The following KHDRBS3 variants were observed in gnomAD, a reference collection of about 807,000 sequenced individuals.
KHDRBS3 encodes the protein KH RNA binding domain containing, signal transduction associated 3, also known as KH domain-containing, RNA-binding, signal transduction-associated protein 3.
A neutral mutation model predicts 45.6 loss-of-function variants in KHDRBS3; 23 were observed. That is an observed-to-expected ratio of 0.50 (90% CI 0.36 to 0.72). The LOEUF is 0.72. Among genes scored for constraint, KHDRBS3 ranks in the 30% least tolerant of loss-of-function variants. The probability of loss-of-function intolerance (pLI) is 0.00; values close to 1 mark genes in which losing one functional copy is unlikely to be tolerated. For synonymous variants in KHDRBS3, 162 were observed against 156.5 expected (o/e 1.04, Z -0.26); for missense variants, 352 against 424.8 (o/e 0.83, Z 1.51).
intron 1 of KHDRBS3, among the ~76,000 whole-genome samples, chr8:135,476,200 G>A (rs1239297693): frequency 1.3e-5 from 2 of 152,004 alleles, no homozygotes; most frequent in East Asian, 3.9e-4. Context: ...CTGTAGTGCA[G>A]TGGTGCAATC....
At chr8:135,458,122 ACCTAGGGGAAGAC>A (rs941317891) in intron 1 of KHDRBS3, 168 bp downstream of exon 1, 1 of 1,378,714 alleles carries the variant, frequency 7.3e-7, no homozygotes, top group Non-Finnish European at 9.4e-7. Context: ...GCTGTGGGAC[ACCTAGGGGAAGAC>A]CCTGATGTGA....
At chr8:135,608,245 A>T (rs906926864) in intron 7 of KHDRBS3, among the ~76,000 whole-genome samples, 1 of 152,244 alleles carries the variant, frequency 6.6e-6, no homozygotes, top group African/African-American at 2.4e-5. Flanking sequence ...TCTAAGTCAG[A>T]TATTCTAACT....
intron 1 of KHDRBS3, among the ~76,000 whole-genome samples, chr8:135,459,520 A>G (rs1316095942): frequency 6.6e-6 from 1 of 152,142 alleles, no homozygotes; most frequent in Non-Finnish European, 1.5e-5. Context: ...ATTTACATGT[A>G]TCTTTTATTG....
intron 4 of KHDRBS3, among the ~76,000 whole-genome samples, chr8:135,554,862 C>T (rs1826795179): frequency 6.6e-6 from 1 of 152,046 alleles, no homozygotes; most frequent in South Asian, 2.1e-4. Context: ...ATAAATAATT[C>T]AGGAATCTGT....
At position 135,573,330 on chromosome 8, in the gene KHDRBS3, G is replaced by C. The variant is rs571465914; in HGVS notation, c.612-8548G>C. On this transcript the variant is annotated intron_variant, in intron 5 of 8. Coordinates refer to ENST00000355849, the MANE Select transcript of KHDRBS3 (RefSeq NM_006558.3). ...AGTATGTGTTTACAAACTCTTATCA[G>C]ACCACATTGCTGTTGCTAAATGTGT... is the stretch of plus-strand genomic sequence containing the variant. 3.3e-5 allele frequency among the ~76,000 whole-genome samples: 5 copies of C among 152,334 alleles called. No homozygotes were observed. The East Asian group carries it at 9.6e-4, about 29-fold the overall frequency.
intron 7 of KHDRBS3, among the ~76,000 whole-genome samples, chr8:135,616,981 A>C (rs904657216): frequency 6.6e-6 from 1 of 152,078 alleles, no homozygotes; most frequent in Non-Finnish European, 1.5e-5. Flanking sequence ...TGTTAGTAAA[A>C]AAAGACAGTG....
chr8:135,592,876 T>G lies in KHDRBS3; in HGVS notation c.807+10803T>G, dbSNP rs563622407. On this transcript the variant is annotated intron_variant, in intron 6 of 8. Transcript: ENST00000355849. ...AATGGAAGTTTGTTATGTAGATTCC[T>G]CTGTTGCCATCTCAGGCTAATAAGG... is the stretch of plus-strand genomic sequence containing the variant. Among the ~76,000 whole-genome samples, 24 of 152,160 alleles carry G rather than the reference T, an allele frequency of 1.6e-4. No individual in the cohort carries two copies. In the East Asian group the frequency reaches 4.3e-3, roughly 27 times the overall value.
At chr8:135,542,419 G>T (rs933478199) in intron 2 of KHDRBS3, 2 of 434,132 alleles carry the variant, frequency 4.6e-6, no homozygotes, top group East Asian at 4.0e-5. Context: ...CACAGTTGTG[G>T]AATATAGCCA....
chr8:135,536,252 T>G (rs1279951647), intron 2 of KHDRBS3, among the ~76,000 whole-genome samples: 1 of 146,110 alleles, frequency 6.8e-6, no homozygotes, highest in Non-Finnish European at 1.5e-5. Context: ...TTTTTTTTTT[T>G]TTTTTTTTTT....
At chr8:135,538,422 C>T (rs979916053) in intron 2 of KHDRBS3, 5 of 152,082 alleles carry the variant, frequency 3.3e-5, no homozygotes, top group African/African-American at 1.2e-4. Context: ...ATAAAGGATC[C>T]TCTGTGAGTC....
At chr8:135,557,795 A>G (rs1423548112) in intron 5 of KHDRBS3, among the ~76,000 whole-genome samples, 2 of 152,284 alleles carry the variant, frequency 1.3e-5, no homozygotes, top group East Asian at 1.9e-4. Context: ...TAGCTGCTGC[A>G]CTCCAATGTG....
At chr8:135,593,632 T>C (rs146508746) in intron 6 of KHDRBS3, among the ~76,000 whole-genome samples, 159 of 152,190 alleles carry the variant, frequency 1.0e-3, no homozygotes, top group African/African-American at 3.2e-3. Flanking sequence ...TGTGTGCCAC[T>C]TTGCCCGGCT....
intron 7 of KHDRBS3, among the ~76,000 whole-genome samples, chr8:135,610,532 ACT>A (rs10538485): frequency 0.2 from 31,001 of 151,718 alleles, 3,841 homozygotes; most frequent in Middle Eastern, 0.28. Context: ...TAAGACGGAG[ACT>A]CTATCCTTGA....
At chr8:135,494,280 T>TTA in intron 1 of KHDRBS3, among the ~76,000 whole-genome samples, 1 of 132,298 alleles carries the variant, frequency 7.6e-6, no homozygotes, top group Non-Finnish European at 1.6e-5. Context: ...CTTATTTTTT[T>TTA]TTTTTTTTTT....
At chr8:135,557,175 A>C (rs917980524) in intron 4 of KHDRBS3, among the ~76,000 whole-genome samples, 1 of 152,192 alleles carries the variant, frequency 6.6e-6, no homozygotes, top group Non-Finnish European at 1.5e-5. Flanking sequence ...TTTTAATTTT[A>C]TTATAAATGT....
intron 7 of KHDRBS3, among the ~76,000 whole-genome samples, chr8:135,612,684 T>A (rs1219892489): frequency 1.3e-5 from 2 of 151,850 alleles, no homozygotes; most frequent in Non-Finnish European, 2.9e-5. Flanking sequence ...TCACTTGGCC[T>A]CCTTTTAGAG....
chr8:135,617,579 G>A (rs1038038582), intron 7 of KHDRBS3, among the ~76,000 whole-genome samples: 5 of 152,058 alleles, frequency 3.3e-5, no homozygotes, highest in Admixed American at 1.3e-4. Context: ...CACCCAGCCA[G>A]TAGCTACTAT....
At chr8:135,599,106 G>A (rs1337496975) in intron 6 of KHDRBS3, among the ~76,000 whole-genome samples, 2 of 152,130 alleles carry the variant, frequency 1.3e-5, no homozygotes, top group South Asian at 4.1e-4. Context: ...GTTTGGCCAC[G>A]TGTCGGTTTG....
At chr8:135,460,333 C>T (rs1481085622) in intron 1 of KHDRBS3, among the ~76,000 whole-genome samples, 1 of 152,202 alleles carries the variant, frequency 6.6e-6, no homozygotes, top group Non-Finnish European at 1.5e-5. Flanking sequence ...TAAACTCTAA[C>T]AAGGCCTTAC....
Sources: gnomAD v4.1 joint callset for allele counts (sites outside exome capture counted in the v4.1 genomes callset) on GRCh38, gnomAD v4.1.1 for gene constraint, MANE v1.5 for transcripts, NCBI Gene and HGNC (gene_info 2026-07-23, HGNC 2026-07-21) for gene names.